CFAP20DC: variants seen among roughly 807,000 people sequenced by gnomAD.
CFAP20DC encodes CFAP20 domain containing.
In CFAP20DC, 84 loss-of-function variants were observed where a neutral mutation model predicts 101.7. The observed-to-expected ratio is 0.83, with a 90% CI of 0.69 to 0.99. The LOEUF (loss-of-function observed/expected upper bound fraction) is 0.99. CFAP20DC is among the 50% of genes least tolerant of loss of function. The pLI is 0.00. For synonymous variants in CFAP20DC, 359 were observed against 351.2 expected (o/e 1.02, Z -0.25); for missense variants, 1,007 against 970.3 (o/e 1.04, Z -0.50).
rs60270814 is a variant in CFAP20DC, at chr3:58,966,474, G to GTATA, written c.279-28716_279-28713dup. Among the ~76,000 whole-genome samples, 749 of 114,706 alleles carry GTATA rather than the reference G, an allele frequency of 6.5e-3. 10 individuals carry two copies. Among genetic ancestry groups the GTATA allele is most frequent in the African/African-American group, 0.019 (710 of 37,222 alleles). 75.3% of individuals were successfully genotyped at this position (114,706 alleles called of 152,430 possible). On this transcript the variant is annotated intron_variant, in intron 4 of 16. Coordinates refer to ENST00000482387, the MANE Select transcript of CFAP20DC (RefSeq NM_001394063.1). ...AAATATCATTGAAATATACATATGTGTATATATATATATATACACATATGT... is the reference window on the plus strand; with the variant it reads ...AAATATCATTGAAATATACATATGTGTATATATATATATATATATACACATATGT...
At chr3:58,821,225 T>C (rs1020216305) in intron 14 of CFAP20DC, among the ~76,000 whole-genome samples, 1 of 152,144 alleles carries the variant, frequency 6.6e-6, no homozygotes, top group Non-Finnish European at 1.5e-5. Context: ...ATTCAGGACA[T>C]AGGCATGGGC....
At chr3:58,739,229 T>TAAA (rs2067826928), downstream of CFAP20DC, among the ~76,000 whole-genome samples, 1 of 152,188 alleles carries the variant, frequency 6.6e-6, no homozygotes, top group African/African-American at 2.4e-5. Context: ...CCACTATTGC[T>TAAA]GACAGTTGTT....
Position 58,899,444 on chromosome 3 carries a change from T to C in CFAP20DC, c.550+14264A>G, listed in dbSNP as rs1326143417. ...CTGTGGAAGGGGGGCCTGCAGAACA[T>C]GCTGCTTGGCTTCCGGGATTCAGTT... On this transcript the variant is annotated intron_variant, in intron 6 of 16. Coordinates refer to ENST00000482387, the MANE Select transcript of CFAP20DC (RefSeq NM_001394063.1). The surrounding 1 kb of genome is among the most constrained non-coding windows in gnomAD (Gnocchi z 5.0). Among the ~76,000 whole-genome samples the C allele has an allele frequency of 2.0e-5, 3 of 152,220 alleles. No individual in the cohort carries two copies. Among genetic ancestry groups the C allele is most frequent in the South Asian group, 2.1e-4 (1 of 4,834 alleles).
chr3:58,903,176 T>A (rs2083295857), intron 6 of CFAP20DC, among the ~76,000 whole-genome samples: 1 of 152,226 alleles, frequency 6.6e-6, no homozygotes, highest in East Asian at 1.9e-4. Flanking sequence ...ATTTATCTAT[T>A]TTTAAAAACT....
intron 4 of CFAP20DC, among the ~76,000 whole-genome samples, chr3:58,969,811 T>A (rs1029295687): frequency 3.3e-5 from 5 of 152,152 alleles, no homozygotes; most frequent in Non-Finnish European, 5.9e-5. Flanking sequence ...TCCACTTACA[T>A]GAAGTATTTG....
intron 12 of CFAP20DC, among the ~76,000 whole-genome samples, chr3:58,855,065 G>C (rs2108377367): frequency 6.7e-6 from 1 of 148,910 alleles, no homozygotes; most frequent in Admixed American, 6.7e-5. Flanking sequence ...CAAAATGGGA[G>C]AAAATTTTCG....
chr3:58,876,207 T>G (rs1278328180), intron 7 of CFAP20DC, among the ~76,000 whole-genome samples: 2 of 152,138 alleles, frequency 1.3e-5, no homozygotes, highest in African/African-American at 4.8e-5. Context: ...TCTTAAGTCC[T>G]GCTTCACTTT....
chr3:58,907,236 C>T (rs147511065), intron 6 of CFAP20DC, among the ~76,000 whole-genome samples: 100 of 152,112 alleles, frequency 6.6e-4, no homozygotes, highest in African/African-American at 2.3e-3. Flanking sequence ...TGTCGGCAAC[C>T]TATGGTAGTC....
chr3:58,775,969 C>T (rs1347227303), intron 15 of CFAP20DC, among the ~76,000 whole-genome samples: 2 of 152,134 alleles, frequency 1.3e-5, no homozygotes, highest in South Asian at 2.1e-4. Flanking sequence ...CTTGGACTCC[C>T]GACTTCAGGT....
intron 6 of CFAP20DC, among the ~76,000 whole-genome samples, chr3:58,886,346 G>A (rs1261104828): frequency 6.6e-6 from 1 of 152,024 alleles, no homozygotes; most frequent in Non-Finnish European, 1.5e-5. Context: ...ATGTTTTCAC[G>A]ATATGGGAAA....
At position 59,015,939 on chromosome 3, in the gene CFAP20DC, G is replaced by A; in HGVS notation, c.278+23618C>T. ...ATGGCCACATTTCCATATCTAAGCA[G>A]TACCAATGGATGCCCAGGCTGGGAC... On this transcript the variant is annotated intron_variant, in intron 4 of 16. Coordinates refer to ENST00000482387, the MANE Select transcript of CFAP20DC (RefSeq NM_001394063.1). The surrounding 1 kb of genome is among the most constrained non-coding windows in gnomAD (Gnocchi z 5.4). 6.6e-6 allele frequency among the ~76,000 whole-genome samples: 1 copy of A among 152,110 alleles called. No individual in the cohort carries two copies. Among genetic ancestry groups the A allele is most frequent in the East Asian group, 1.9e-4 (1 of 5,178 alleles).
At chr3:58,814,513 T>C (rs12638612) in intron 14 of CFAP20DC, among the ~76,000 whole-genome samples, 25 of 150,866 alleles carry the variant, frequency 1.7e-4, no homozygotes, top group African/African-American at 4.9e-4. Flanking sequence ...CCAGGGCAAT[T>C]AGGCAGGAGA....
At chr3:58,916,822 T>C (rs2084786997) in intron 5 of CFAP20DC, among the ~76,000 whole-genome samples, 1 of 152,178 alleles carries the variant, frequency 6.6e-6, no homozygotes, top group African/African-American at 2.4e-5. Flanking sequence ...TCATTGTTCA[T>C]ATAAATGCTG....
chr3:58,738,898 A>G (rs1463905278), downstream of CFAP20DC, among the ~76,000 whole-genome samples: 1 of 152,226 alleles, frequency 6.6e-6, no homozygotes, highest in Non-Finnish European at 1.5e-5. This position sits in a 1 kb window ranked among gnomAD's most constrained non-coding sequence, Gnocchi z 4.4. Context: ...AGAAACTTCC[A>G]GAAGCAAGAT....
intron 16 of CFAP20DC, among the ~76,000 whole-genome samples, chr3:58,750,129 A>T (rs1036776544): frequency 2.6e-5 from 4 of 152,208 alleles, no homozygotes; most frequent in African/African-American, 9.6e-5. Context: ...GCTGAGCAGA[A>T]ACTGGCTGTG....
intron 4 of CFAP20DC, among the ~76,000 whole-genome samples, chr3:59,030,942 G>A (rs1331968515): frequency 1.3e-5 from 2 of 152,112 alleles, no homozygotes; most frequent in Non-Finnish European, 2.9e-5. Context: ...TCCTGCCTCA[G>A]CCTCCCGAGT....
intron 4 of CFAP20DC, among the ~76,000 whole-genome samples, chr3:59,009,579 A>C (rs1344526201): frequency 6.6e-6 from 1 of 152,156 alleles, no homozygotes; most frequent in African/African-American, 2.4e-5. Flanking sequence ...GATTATGTTA[A>C]ACAGCCAAAC....
rs13326032 is a variant in CFAP20DC at position 58,777,167 on chromosome 3, C to T, written c.2238-23304G>A. The stretch of plus-strand genomic sequence containing the variant: ...TTCACTGAGATAAATGCATATCTAA[C>T]TGCTTTCTTTGGAAAGTTTAATCAG... On this transcript the variant is annotated intron_variant, in intron 15 of 16. Coordinates refer to ENST00000482387, the MANE Select transcript of CFAP20DC (RefSeq NM_001394063.1). Among the ~76,000 whole-genome samples, 1,509 of 152,328 alleles carry T rather than the reference C, an allele frequency of 9.9e-3. 25 individuals are homozygous for T. Among genetic ancestry groups the T allele is most frequent in the African/African-American group, 0.035 (1,458 of 41,566 alleles).
chr3:58,794,294 T>A (rs759262259), intron 15 of CFAP20DC: 1 of 450,884 alleles, frequency 2.2e-6, no homozygotes, highest in African/African-American at 2.0e-5. Context: ...CCAAATTGCA[T>A]CTGATTTGTC....
Sources: allele counts gnomAD v4.1 joint callset (sites outside exome capture counted in the v4.1 genomes callset), GRCh38; gene constraint gnomAD v4.1.1; non-coding constraint Gnocchi (gnomAD v3.1); transcripts MANE v1.5; gene names NCBI Gene and HGNC (gene_info 2026-07-23, HGNC 2026-07-21).